Variants in ZNF536 observed in about 807,000 individuals in gnomAD.
ZNF536 encodes zinc finger protein 536.
A neutral mutation model predicts 84.5 loss-of-function variants in ZNF536; 13 were observed. The ratio of observed to expected loss-of-function variants is 0.15; its 90% CI spans 0.10 to 0.24. The LOEUF (loss-of-function observed/expected upper bound fraction) is 0.24, where lower values mean the gene tolerates loss of function less well. Ranked by LOEUF, ZNF536 falls within the 10% of genes least tolerant of loss-of-function variation. The pLI, the probability that ZNF536 is intolerant of heterozygous loss-of-function variation, is 1.00. For synonymous variants in ZNF536, 811 were observed against 742.5 expected (o/e 1.09, Z -1.50); for missense variants, 1,536 against 1,747.5 (o/e 0.88, Z 2.16).
intron 1 of ZNF536, among the ~76,000 whole-genome samples, chr19:30,415,070 C>T (rs1395929032): frequency 1.4e-5 from 2 of 147,020 alleles, no homozygotes; most frequent in Non-Finnish European, 1.5e-5. Flanking sequence ...CTTCTGCTTC[C>T]CCTCCTCCTC....
At chr19:30,337,195 C>A (rs144085573) in intron 2 of ZNF536, among the ~76,000 whole-genome samples, 1 of 152,162 alleles carries the variant, frequency 6.6e-6, no homozygotes, top group Non-Finnish European at 1.5e-5. Flanking sequence ...CCTGCTGAGG[C>A]TCTCAGGGCT....
chr19:30,471,171 G>A (rs111531231), intron 2 of ZNF536, among the ~76,000 whole-genome samples: 2,217 of 152,238 alleles, frequency 0.015, 54 homozygotes, highest in African/African-American at 0.051. Flanking sequence ...GTTATGGGAG[G>A]AAGTTTGTGA....
At chr19:30,254,695 G>T (rs148929417) in intron 1 of ZNF536, among the ~76,000 whole-genome samples, 1 of 152,214 alleles carries the variant, frequency 6.6e-6, no homozygotes, top group Non-Finnish European at 1.5e-5. Context: ...GTCCAACTGT[G>T]CAGAGATTGG....
intron 1 of ZNF536, among the ~76,000 whole-genome samples, chr19:30,609,531 T>C (rs1190056518): frequency 6.6e-6 from 1 of 152,222 alleles, no homozygotes. Context: ...ACATAGCTAT[T>C]GTGAGGGCCC....
At chr19:30,706,360 GCGTGTAGTCC>G (rs1384259861) in intron 1 of ZNF536, among the ~76,000 whole-genome samples, 3 of 151,954 alleles carry the variant, frequency 2.0e-5, no homozygotes, top group African/African-American at 7.3e-5. Flanking sequence ...GGTGGCGGGT[GCGTGTAGTCC>G]CAGCTACTCA....
chr19:30,533,709 A>T (rs1035419966), intron 2 of ZNF536, among the ~76,000 whole-genome samples: 1 of 152,224 alleles, frequency 6.6e-6, no homozygotes, highest in Non-Finnish European at 1.5e-5. Flanking sequence ...AGATCTCATT[A>T]TCCCAGAAGG....
intron 1 of ZNF536, among the ~76,000 whole-genome samples, chr19:30,678,329 G>T (rs1193276512): frequency 6.6e-6 from 1 of 152,178 alleles, no homozygotes; most frequent in Non-Finnish European, 1.5e-5. Context: ...GGGTCGGAGA[G>T]GCTCACGGCC....
At chr19:30,405,616 G>T (rs997955819) in intron 1 of ZNF536, among the ~76,000 whole-genome samples, 2 of 152,024 alleles carry the variant, frequency 1.3e-5, no homozygotes, top group Admixed American at 1.3e-4. Flanking sequence ...CTTGCCTCTT[G>T]ATACTGTTTA....
intron 1 of ZNF536, among the ~76,000 whole-genome samples, chr19:30,422,834 C>T (rs999123589): frequency 7.2e-6 from 1 of 138,660 alleles, no homozygotes; most frequent in African/African-American, 2.7e-5. Flanking sequence ...CCTATCTACA[C>T]ATTCATCCAT....
At chr19:30,588,347 G>C (rs1169237359) in intron 1 of ZNF536, among the ~76,000 whole-genome samples, 3 of 152,176 alleles carry the variant, frequency 2.0e-5, no homozygotes, top group Non-Finnish European at 2.9e-5. Context: ...TAGGAATTGA[G>C]GGTCCTGATC....
chr19:30,344,135 G>A (rs1053390951), intron 2 of ZNF536, among the ~76,000 whole-genome samples: 2 of 151,332 alleles, frequency 1.3e-5, no homozygotes, highest in Non-Finnish European at 2.9e-5. Flanking sequence ...CACCCCTAGG[G>A]CCTGCCCCCA....
chr19:30,646,917 CT>C (rs796996603), intron 1 of ZNF536, among the ~76,000 whole-genome samples: 3 of 152,052 alleles, frequency 2.0e-5, no homozygotes, highest in African/African-American at 7.2e-5. Flanking sequence ...AGTCAGTCTC[CT>C]TTTTTTATCC....
At chr19:30,596,365 A>T (rs1313873812) in intron 1 of ZNF536, among the ~76,000 whole-genome samples, 2 of 152,256 alleles carry the variant, frequency 1.3e-5, no homozygotes, top group Non-Finnish European at 2.9e-5. Context: ...AGATGTATGT[A>T]TCGTGGCTTT....
At chr19:30,287,989 G>A (rs995195550) in intron 2 of ZNF536, among the ~76,000 whole-genome samples, 3 of 152,182 alleles carry the variant, frequency 2.0e-5, no homozygotes, top group African/African-American at 7.2e-5. Flanking sequence ...AAAATCTAAT[G>A]ATCAGTTATA....
At chr19:30,306,409 C>T (rs778581572) in intron 2 of ZNF536, among the ~76,000 whole-genome samples, 6 of 152,168 alleles carry the variant, frequency 3.9e-5, no homozygotes, top group Non-Finnish European at 7.3e-5. Flanking sequence ...TTATTCATGT[C>T]AAGCTAAGAT....
chr19:30,367,823 G>A (rs758697627), upstream of ZNF536, among the ~76,000 whole-genome samples: 8 of 152,316 alleles, frequency 5.3e-5, no homozygotes, highest in South Asian at 2.1e-4. Context: ...GCACTTCACC[G>A]TCTTGCCTAC....
chr19:30,433,332 A>C (rs553142086), intron 1 of ZNF536, among the ~76,000 whole-genome samples: 1 of 151,884 alleles, frequency 6.6e-6, no homozygotes, highest in East Asian at 1.9e-4. Flanking sequence ...TCTTCCCCCC[A>C]CTTCCCCAAT....
chr19:30,384,294 C>G (rs2049237899), intron 1 of ZNF536, among the ~76,000 whole-genome samples: 1 of 18,066 alleles, frequency 5.5e-5, no homozygotes, highest in Admixed American at 7.5e-4. Context: ...CCTTCCCTTT[C>G]CTTCCCCTCC....
rs142750990 is a variant in ZNF536, at chr19:30,672,021, C to G, written c.170-38736C>G. 2.8e-3 allele frequency among the ~76,000 whole-genome samples: 428 copies of G among 152,356 alleles called. 1 individual carries two copies. Among genetic ancestry groups the G allele is most frequent in the Middle Eastern group, 0.02 (6 of 294 alleles). ...TGGGACCCGGCCCACTCAGCCAAGG[C>G]TATGTCACTCACTGGGGCCGTCCAG... On this transcript the variant is annotated intron_variant, in intron 1 of 1. Coordinates refer to the ZNF536 transcript ENST00000592773.
Sources: gnomAD v4.1 joint callset for allele counts (sites outside exome capture counted in the v4.1 genomes callset) on GRCh38, gnomAD v4.1.1 for gene constraint, MANE v1.5 for transcripts, NCBI Gene and HGNC (gene_info 2026-07-23, HGNC 2026-07-21) for gene names.